The following ADAMTS9 variants were observed in gnomAD, a reference collection of about 807,000 sequenced individuals.
ADAMTS9 encodes ADAM metallopeptidase with thrombospondin type 1 motif 9, also known as A disintegrin and metalloproteinase with thrombospondin motifs 9.
ADAMTS9 carries 107 observed loss-of-function variants against 257.1 expected under a neutral mutation model. That is an observed-to-expected ratio of 0.42 (90% confidence interval 0.36 to 0.49). ADAMTS9 has a LOEUF of 0.49. ADAMTS9 is among the 20% of genes least tolerant of loss of function. The pLI is 0.03. For missense variants in ADAMTS9, 2,353 were observed against 2,469.1 expected (o/e 0.95, Z 1.00); for synonymous variants, 982 against 880.9 (o/e 1.11, Z -2.03).
chr3:64,615,324 T>C lies in ADAMTS9; in HGVS notation c.3186A>G (p.Ser1062=). ...PCPQWKSGDW[S]ECLVTCGKGH... is the part of the protein sequence containing the mutation. ...AATAACAGCCCTCCCATCTTACCTC[T>C]GACCAGTCTCCAGATTTCCACTGTG... The change falls in exon 21 of 40, where the codon TCA becomes TCG. Residue 1062 remains serine (S), a synonymous_variant. Coordinates refer to ENST00000498707, the MANE Select transcript of ADAMTS9 (RefSeq NM_182920.2). The C allele has an allele frequency of 6.2e-7, 1 of 1,613,656 alleles. No homozygotes were observed. Among genetic ancestry groups the C allele is most frequent in the Non-Finnish European group, 8.5e-7 (1 of 1,179,720 alleles).
chr3:64,590,223 C>G (rs573808526), intron 28 of ADAMTS9: 1 of 152,028 alleles, frequency 6.6e-6, no homozygotes, highest in Non-Finnish European at 1.5e-5. Context: ...TTTAAAGTAT[C>G]CCTTTAAAAT....
intron 39 of ADAMTS9, among the ~76,000 whole-genome samples, chr3:64,520,015 C>T (rs2082829525): frequency 2.0e-5 from 3 of 152,136 alleles, no homozygotes; most frequent in Non-Finnish European, 4.4e-5. Flanking sequence ...TCTTCCTTCA[C>T]TGACAATATG....
intron 37 of ADAMTS9, among the ~76,000 whole-genome samples, chr3:64,534,801 G>A (rs983503679): frequency 1.3e-5 from 2 of 152,030 alleles, no homozygotes; most frequent in Non-Finnish European, 2.9e-5. Flanking sequence ...TGGTGCTGCT[G>A]TTGGCATCTG....
At chr3:64,557,159 A>T (rs949545930) in intron 30 of ADAMTS9, among the ~76,000 whole-genome samples, 3 of 152,166 alleles carry the variant, frequency 2.0e-5, no homozygotes, top group African/African-American at 7.2e-5. Flanking sequence ...AGGATAAGAA[A>T]GGGTGACTGA....
At chr3:64,594,878 C>G (rs968189529) in intron 27 of ADAMTS9, among the ~76,000 whole-genome samples, 6 of 152,090 alleles carry the variant, frequency 3.9e-5, no homozygotes, top group African/African-American at 1.4e-4. Context: ...CCTCCGCCTC[C>G]CAGGTTCAAG....
intron 26 of ADAMTS9, among the ~76,000 whole-genome samples, chr3:64,599,994 A>C (rs1355279786): frequency 6.7e-6 from 1 of 149,700 alleles, no homozygotes; most frequent in Non-Finnish European, 1.5e-5. Context: ...CCCTGTCCCT[A>C]CTGCGGCTAA....
intron 16 of ADAMTS9, among the ~76,000 whole-genome samples, chr3:64,626,849 A>T (rs11707626): frequency 0.14 from 21,969 of 152,226 alleles, 2,092 homozygotes; most frequent in Middle Eastern, 0.21. Context: ...TTTCTCAGTC[A>T]GTGTAAACCT....
intron 38 of ADAMTS9, among the ~76,000 whole-genome samples, chr3:64,528,419 C>T (rs950686137): frequency 6.6e-6 from 1 of 152,150 alleles, no homozygotes; most frequent in Non-Finnish European, 1.5e-5. Context: ...GGGCCATGGC[C>T]TCCTTTCTGT....
chr3:64,630,024 A>G (rs2106886780), intron 16 of ADAMTS9, among the ~76,000 whole-genome samples: 1 of 151,784 alleles, frequency 6.6e-6, no homozygotes, highest in South Asian at 2.1e-4. Context: ...AGATGAATAA[A>G]TAGAGTTCCT....
At chr3:64,647,656 T>TAAA (rs1700830949) in intron 11 of ADAMTS9, among the ~76,000 whole-genome samples, 1 of 152,240 alleles carries the variant, frequency 6.6e-6, no homozygotes, top group Non-Finnish European at 1.5e-5. Context: ...ATAGGCACAC[T>TAAA]GTAATTTTAG....
intron 30 of ADAMTS9, among the ~76,000 whole-genome samples, chr3:64,557,140 G>T (rs1013408554): frequency 6.6e-6 from 1 of 152,156 alleles, no homozygotes; most frequent in Non-Finnish European, 1.5e-5. Context: ...CATCTAGGTT[G>T]AGGCCTGAAG....
chr3:64,553,530 C>A (rs2083295449), intron 30 of ADAMTS9, among the ~76,000 whole-genome samples: 1 of 151,928 alleles, frequency 6.6e-6, no homozygotes, highest in Non-Finnish European at 1.5e-5. Flanking sequence ...AATTTAAACA[C>A]CTATTTTCCA....
intron 28 of ADAMTS9, among the ~76,000 whole-genome samples, chr3:64,591,441 A>C (rs1399634366): frequency 6.7e-6 from 1 of 149,460 alleles, no homozygotes; most frequent in Non-Finnish European, 1.5e-5. Flanking sequence ...CTCTGTCTCA[A>C]AAAAAAAAAG....
intron 15 of ADAMTS9, 93 bp downstream of exon 15, chr3:64,631,715 C>T (rs537308979): frequency 6.9e-5 from 88 of 1,276,308 alleles, no homozygotes; most frequent in Middle Eastern, 1.9e-4. Flanking sequence ...GATTTTTATG[C>T]TCGACATTAA....
chr3:64,522,566 T>A (rs2082867117), intron 38 of ADAMTS9: 1 of 224,982 alleles, frequency 4.4e-6, no homozygotes, highest in African/African-American at 2.3e-5. Flanking sequence ...AATTCAAATT[T>A]CAGTGTCTAT....
At chr3:64,532,412 G>A (rs1242792540) in intron 38 of ADAMTS9, among the ~76,000 whole-genome samples, 4 of 152,200 alleles carry the variant, frequency 2.6e-5, no homozygotes, top group South Asian at 2.1e-4. Flanking sequence ...CGGCTGTATC[G>A]GTACCTGAAG....
chr3:64,654,441 T>C lies in ADAMTS9; in HGVS notation c.1228A>G (p.Thr410Ala). 1 of 1,614,044 alleles carries C rather than the reference T, an allele frequency of 6.2e-7. No homozygotes were observed. The highest frequency in any genetic ancestry group is 2.2e-5 in the East Asian group (1 of 44,866). ...CDTLGLAELG[T>A]ICDPYRSCSI... The stretch of plus-strand genomic sequence containing the variant: ...CAGCTTCTATAGGGATCACAAATGG[T>C]TCCCAGTTCAGCCAGGCCTATTAGA... Residue 410 changes from threonine to alanine, a missense_variant, in exon 8 of 40, where the codon ACC (threonine) becomes GCC (alanine). Thr to Ala is a moderately conservative substitution (Grantham distance 58, BLOSUM62 0). This residue lies in a region of ADAMTS9 where 591 missense variants were observed against 569.6 expected (regional missense o/e 1.04). Transcript: ENST00000498707.
chr3:64,631,118 C>T (rs1335937245), intron 16 of ADAMTS9, among the ~76,000 whole-genome samples: 6 of 152,188 alleles, frequency 3.9e-5, no homozygotes, highest in African/African-American at 1.4e-4. Context: ...CAGTTCCCCA[C>T]AGGACAGCTT....
At chr3:64,639,463 G>C (rs1158488454) in intron 12 of ADAMTS9, among the ~76,000 whole-genome samples, 6 of 151,888 alleles carry the variant, frequency 4.0e-5, no homozygotes, top group Non-Finnish European at 5.9e-5. Flanking sequence ...TCTTTACACT[G>C]GGTGATTTTC....
Sources: allele counts gnomAD v4.1 joint callset (sites outside exome capture counted in the v4.1 genomes callset), GRCh38; gene constraint gnomAD v4.1.1; regional missense constraint gnomAD v4.1.1; transcripts MANE v1.5; gene names NCBI Gene and HGNC (gene_info 2026-07-23, HGNC 2026-07-21).